Variants in SH3RF1 observed in about 807,000 individuals in gnomAD.
SH3RF1 encodes the protein SH3 domain containing ring finger 1, also known as E3 ubiquitin-protein ligase SH3RF1.
SH3RF1 carries 32 observed loss-of-function variants against 74.0 expected under a neutral mutation model. The observed-to-expected ratio is 0.43, with a 90% CI of 0.33 to 0.58. The LOEUF is 0.58. Ranked by LOEUF, SH3RF1 falls within the 20% of genes least tolerant of loss-of-function variation. SH3RF1 has a pLI of 0.05. For missense variants in SH3RF1, 954 were observed against 1,130.9 expected, an observed-to-expected ratio of 0.84 and a Z score of 2.24; for synonymous variants, 396 against 439.6, an observed-to-expected ratio of 0.90 and a Z score of 1.24.
At chr4:169,177,965 C>CT (rs1561045356) in intron 2 of SH3RF1, among the ~76,000 whole-genome samples, 1 of 151,972 alleles carries the variant, frequency 6.6e-6, no homozygotes, top group Admixed American at 6.6e-5. Flanking sequence ...TAAAAAAGAA[C>CT]TTTTTTTGGT....
At chr4:169,269,373 G>A (rs1731408109) in intron 1 of SH3RF1, 66 bp from the exon 2 acceptor site, 2 of 553,694 alleles carry the variant, frequency 3.6e-6, no homozygotes, top group African/African-American at 2.0e-5. Flanking sequence ...AAAGTTCAAA[G>A]GAGCCAAGAA....
chr4:169,239,614 C>T (rs1561061945), intron 2 of SH3RF1, among the ~76,000 whole-genome samples: 1 of 152,156 alleles, frequency 6.6e-6, no homozygotes, highest in African/African-American at 2.4e-5. Context: ...ATGGTTAGTC[C>T]ACCTTATTTT....
At chr4:169,142,298 T>C (rs549772600) in intron 4 of SH3RF1, among the ~76,000 whole-genome samples, 1 of 152,342 alleles carries the variant, frequency 6.6e-6, no homozygotes, top group African/African-American at 2.4e-5. Context: ...CTTTAACTTA[T>C]ATGTATATAT....
At chr4:169,156,753 G>GTATTT in intron 2 of SH3RF1, 74 bp from the exon 3 acceptor site, 1 of 1,411,108 alleles carries the variant, frequency 7.1e-7, no homozygotes, top group Non-Finnish European at 9.6e-7. Context: ...CAACTGCGTT[G>GTATTT]TCATTGTTTT....
At chr4:169,204,891 T>C (rs981643859) in intron 2 of SH3RF1, among the ~76,000 whole-genome samples, 13 of 151,718 alleles carry the variant, frequency 8.6e-5, no homozygotes, top group African/African-American at 3.1e-4. Context: ...TTTTATCTTG[T>C]TTCTGACATT....
At chr4:169,168,789 T>C (rs1734283658) in intron 2 of SH3RF1, among the ~76,000 whole-genome samples, 1 of 152,270 alleles carries the variant, frequency 6.6e-6, no homozygotes, top group Non-Finnish European at 1.5e-5. Flanking sequence ...ATGATTTCTT[T>C]GGCAATCAAA....
chr4:169,121,062 G>T, intron 7 of SH3RF1, 73 bp from the exon 8 acceptor site: 3 of 1,245,594 alleles, frequency 2.4e-6, no homozygotes, highest in Middle Eastern at 4.0e-4. Flanking sequence ...ATTCTTCCTT[G>T]GTACAAAGTG....
intron 2 of SH3RF1, among the ~76,000 whole-genome samples, chr4:169,183,750 TA>T (rs199772454): frequency 8.6e-4 from 121 of 140,252 alleles, no homozygotes; most frequent in African/African-American, 2.7e-3. Context: ...GCTGTCTCTT[TA>T]AAAAAAAAAA....
intron 2 of SH3RF1, among the ~76,000 whole-genome samples, chr4:169,245,985 C>G (rs2110739499): frequency 6.6e-6 from 1 of 152,276 alleles, no homozygotes; most frequent in South Asian, 2.1e-4. Flanking sequence ...TTGCTTAAGT[C>G]AAACAGGAAA....
chr4:169,252,734 G>T (rs936043738), intron 2 of SH3RF1, among the ~76,000 whole-genome samples: 2 of 152,208 alleles, frequency 1.3e-5, no homozygotes, highest in African/African-American at 4.8e-5. Flanking sequence ...ATAAATACGT[G>T]CTGATGGACT....
At chr4:169,265,189 T>C (rs1218762700) in intron 2 of SH3RF1, among the ~76,000 whole-genome samples, 1 of 152,216 alleles carries the variant, frequency 6.6e-6, no homozygotes, top group Non-Finnish European at 1.5e-5. Flanking sequence ...TCCCACAAGA[T>C]GGACTACACA....
intron 2 of SH3RF1, among the ~76,000 whole-genome samples, chr4:169,165,475 G>C (rs1409664741): frequency 2.0e-5 from 3 of 151,964 alleles, no homozygotes; most frequent in Admixed American, 2.0e-4. Flanking sequence ...TGAAGCCAGG[G>C]GTTCACAACT....
chr4:169,175,829 C>A (rs1734411188), intron 2 of SH3RF1, among the ~76,000 whole-genome samples: 2 of 152,178 alleles, frequency 1.3e-5, no homozygotes, highest in South Asian at 2.1e-4. Flanking sequence ...CCTCTCCCCC[C>A]ATCCCCCAAT....
intron 2 of SH3RF1, among the ~76,000 whole-genome samples, chr4:169,217,678 A>G (rs1054627702): frequency 6.6e-6 from 1 of 152,104 alleles, no homozygotes; most frequent in African/African-American, 2.4e-5. Context: ...GGAATAAAAC[A>G]TTGGCCTGGG....
chr4:169,248,249 T>C (rs1485892681), intron 2 of SH3RF1, among the ~76,000 whole-genome samples: 1 of 152,176 alleles, frequency 6.6e-6, no homozygotes, highest in Non-Finnish European at 1.5e-5. Context: ...AAATGCCCAT[T>C]AATGATAGAC....
Position 169,208,928 on chromosome 4 carries a change from A to C in SH3RF1, c.394-52249T>G, listed in dbSNP as rs143862731. Among the ~76,000 whole-genome samples, 272 of 152,320 alleles carry C rather than the reference A, an allele frequency of 1.8e-3. 7 individuals are homozygous for C. The East Asian group carries it at 0.045, about 25-fold the overall frequency. On this transcript the variant is annotated intron_variant, in intron 2 of 11. Coordinates refer to ENST00000284637, the MANE Select transcript of SH3RF1 (RefSeq NM_020870.4). Reference sequence around the variant, plus strand: ...ACTAAAAAAATAAGCAAGGGACTGAAAAAAAGAAAAAAAAGAAAAGAAAGA... The same window carrying C: ...ACTAAAAAAATAAGCAAGGGACTGACAAAAAGAAAAAAAAGAAAAGAAAGA...
rs192691295 is a variant in SH3RF1 at position 169,252,064 on chromosome 4, A to G, written c.393+16756T>C. Among the ~76,000 whole-genome samples the G allele has an allele frequency of 1.0e-3, 153 of 152,322 alleles. 1 individual carries two copies. Among genetic ancestry groups the G allele is most frequent in the African/African-American group, 3.5e-3 (145 of 41,566 alleles). On this transcript the variant is annotated intron_variant, in intron 2 of 11. Coordinates refer to ENST00000284637, the MANE Select transcript of SH3RF1 (RefSeq NM_020870.4). ...ACTCTGGTATGTTCCGCAGCGACTC[A>G]AGAACCACGTGAGATGTGCTAGGTA...
At chr4:169,261,180 ACAGC>A (rs1731273684) in intron 2 of SH3RF1, among the ~76,000 whole-genome samples, 1 of 152,144 alleles carries the variant, frequency 6.6e-6, no homozygotes, top group Non-Finnish European at 1.5e-5. Context: ...GAGAAACCCC[ACAGC>A]CAGCCCATGG....
intron 2 of SH3RF1, among the ~76,000 whole-genome samples, chr4:169,197,047 C>A (rs1482139821): frequency 1.3e-5 from 2 of 152,090 alleles, no homozygotes; most frequent in African/African-American, 4.8e-5. Context: ...ACTCTTTCAT[C>A]CAGGCTGGAG....
Sources: allele counts gnomAD v4.1 joint callset (sites outside exome capture counted in the v4.1 genomes callset), GRCh38; gene constraint gnomAD v4.1.1; transcripts MANE v1.5; gene names NCBI Gene and HGNC (gene_info 2026-07-23, HGNC 2026-07-21).